Variants in TANC1 observed in about 807,000 individuals in gnomAD.
The protein encoded by TANC1 is tetratricopeptide repeat, ankyrin repeat and coiled-coil containing 1, also known as protein TANC1.
Under a neutral mutation model 149.7 loss-of-function variants are expected in TANC1, and 77 were observed. That is an observed-to-expected ratio of 0.51 (90% CI 0.43 to 0.62). The LOEUF (loss-of-function observed/expected upper bound fraction) is 0.62. TANC1 is among the 20% of genes least tolerant of loss of function. The pLI is 0.00. For missense variants in TANC1, 1,985 were observed against 2,321.8 expected (o/e 0.85, Z 2.98); for synonymous variants, 854 against 925.0 (o/e 0.92, Z 1.39).
chr2:159,120,505 T>A (rs1228253075), intron 4 of TANC1, among the ~76,000 whole-genome samples: 1 of 152,242 alleles, frequency 6.6e-6, no homozygotes, highest in Non-Finnish European at 1.5e-5. Context: ...GAATTTTGCA[T>A]TGCTATTCAG....
intron 14 of TANC1, among the ~76,000 whole-genome samples, chr2:159,184,724 A>C (rs1459560287): frequency 1.3e-5 from 2 of 152,172 alleles, no homozygotes; most frequent in African/African-American, 4.8e-5. Context: ...CCCAGGCTCA[A>C]GATCTGGGAC....
At chr2:159,227,305 AATG>A (rs1372332473) in intron 24 of TANC1, 5 of 152,792 alleles carry the variant, frequency 3.3e-5, no homozygotes, top group African/African-American at 1.2e-4. Context: ...TAGCTTTGAA[AATG>A]ATGTGTGGTG....
At chr2:159,108,549 C>T (rs1374174224) in intron 4 of TANC1, among the ~76,000 whole-genome samples, 1 of 151,988 alleles carries the variant, frequency 6.6e-6, no homozygotes, top group Non-Finnish European at 1.5e-5. Context: ...TTCTGATTTA[C>T]AGAGAAACAG....
chr2:159,205,306 C>A (rs552466711), intron 19 of TANC1, among the ~76,000 whole-genome samples: 1 of 152,274 alleles, frequency 6.6e-6, no homozygotes, highest in Non-Finnish European at 1.5e-5. Flanking sequence ...GTAAAAATGA[C>A]CCGTTCTTCA....
chr2:159,162,717 A>G (rs924661542), intron 7 of TANC1, among the ~76,000 whole-genome samples: 2 of 152,154 alleles, frequency 1.3e-5, no homozygotes, highest in African/African-American at 2.4e-5. Flanking sequence ...GTTGCTGAGG[A>G]AATAATAAGT....
At chr2:159,100,974 A>G (rs1343371553) in intron 4 of TANC1, among the ~76,000 whole-genome samples, 2 of 152,176 alleles carry the variant, frequency 1.3e-5, no homozygotes, top group Non-Finnish European at 1.5e-5. Flanking sequence ...GATAGAGTCA[A>G]TACAGTGTGT....
chr2:159,185,789 A>G lies in TANC1; in HGVS notation c.2511-2A>G. 1 of 1,612,258 alleles carries G rather than the reference A, an allele frequency of 6.2e-7. No homozygotes were observed. The highest frequency in any genetic ancestry group is 8.5e-7 in the Non-Finnish European group (1 of 1,178,720). ...TGTGAGCCTTTGTATTCCTTCCCCT[A>G]GGAACGGGCACGCGCTCTTGGCATT... On this transcript the variant is annotated splice_acceptor_variant, in intron 14 of 26. Transcript: ENST00000263635. LOFTEE classifies it high-confidence loss of function.
At chr2:159,051,531 A>G (rs1348520488) in intron 2 of TANC1, among the ~76,000 whole-genome samples, 1 of 152,236 alleles carries the variant, frequency 6.6e-6, no homozygotes, top group Non-Finnish European at 1.5e-5. Context: ...CGCGTAACAT[A>G]CCTTCAAGTA....
rs143668886 is a variant in TANC1 at position 159,227,877 on chromosome 2, G to A, written c.3962G>A (p.Arg1321Gln). Residue 1321 changes from arginine to glutamine, a missense_variant, in exon 25 of 27, where the codon CGA becomes CAA. Coordinates refer to ENST00000263635, the MANE Select transcript of TANC1 (RefSeq NM_033394.3). ...RYQYALRKFP[R>Q]EGFGEDMRPF... ...CAGTATGCCTTAAGAAAGTTTCCTC[G>A]AGAAGGATTCGGAGAGGACATGAGA... is the stretch of plus-strand genomic sequence containing the variant. 44 of 1,614,110 alleles carry A rather than the reference G, an allele frequency of 2.7e-5. No homozygotes were observed. The highest frequency in any genetic ancestry group is 5.3e-5 in the African/African-American group (4 of 75,048).
intron 23 of TANC1, chr2:159,225,442 G>A: frequency 3.6e-6 from 2 of 552,850 alleles, no homozygotes; most frequent in Non-Finnish European, 6.5e-6. Flanking sequence ...ATGAGTTTTC[G>A]CTGCTCGGAT....
chr2:158,969,577 C>A (rs2032524664), intron 1 of TANC1, among the ~76,000 whole-genome samples: 1 of 152,206 alleles, frequency 6.6e-6, no homozygotes, highest in Non-Finnish European at 1.5e-5. Context: ...CTTTGGGGTG[C>A]GGGCGCGCAG....
rs142451226 is a variant in TANC1, at chr2:159,027,856, C to T, written c.-16+26667C>T. 8.5e-5 allele frequency among the ~76,000 whole-genome samples: 13 copies of T among 152,306 alleles called. No individual in the cohort carries two copies. The East Asian group carries it at 1.5e-3, about 18-fold the overall frequency. On this transcript the variant is annotated intron_variant, in intron 2 of 26. Coordinates refer to ENST00000263635, the MANE Select transcript of TANC1 (RefSeq NM_033394.3). ...AAGTCCAGGAGCATGGTGCTGGCAT[C>T]TGCTTAGCTTCAAATGAGGGTCTTC...
intron 7 of TANC1, 35 bp downstream of exon 7, chr2:159,150,591 G>A (rs561191024): frequency 2.0e-5 from 30 of 1,532,058 alleles, no homozygotes; most frequent in Middle Eastern, 1.7e-4. Flanking sequence ...ATAATGGCTC[G>A]AATCTCATCA....
At position 159,186,888 on chromosome 2, in the gene TANC1, T is replaced by C; in HGVS notation, c.2620-14T>C. On this transcript the variant is annotated splice_polypyrimidine_tract_variant and intron_variant, in intron 15 of 26. Coordinates refer to ENST00000263635, the MANE Select transcript of TANC1 (RefSeq NM_033394.3). ...TCTCTGATTGTTTCCAAGATCTGTC[T>C]CGATTGTTTCCAGGGCCTCAGTAAG... The C allele has an allele frequency of 6.2e-7, 1 of 1,614,192 alleles. No individual in the cohort carries two copies. The highest frequency in any genetic ancestry group is 1.3e-5 in the African/African-American group (1 of 75,054).
At chr2:159,038,450 C>G (rs2040377437) in intron 2 of TANC1, among the ~76,000 whole-genome samples, 1 of 152,108 alleles carries the variant, frequency 6.6e-6, no homozygotes, top group Non-Finnish European at 1.5e-5. Flanking sequence ...GGGAATGCTT[C>G]CAGTTTTTGC....
At chr2:159,016,509 T>C (rs143344536) in intron 2 of TANC1, among the ~76,000 whole-genome samples, 29 of 152,272 alleles carry the variant, frequency 1.9e-4, no homozygotes, top group African/African-American at 6.3e-4. Context: ...TGTCTCCTAA[T>C]TCAGTACCTT....
At chr2:159,038,902 T>G (rs2040408253) in intron 2 of TANC1, among the ~76,000 whole-genome samples, 1 of 152,192 alleles carries the variant, frequency 6.6e-6, no homozygotes, top group Admixed American at 6.5e-5. Flanking sequence ...TTCTATTGAT[T>G]GGAATTAGTT....
intron 2 of TANC1, among the ~76,000 whole-genome samples, chr2:159,044,506 T>A (rs1201976618): frequency 6.6e-6 from 1 of 152,104 alleles, no homozygotes; most frequent in Admixed American, 6.6e-5. Context: ...CTAGTCATCT[T>A]TTTATTTGCA....
chr2:159,157,691 T>A (rs141575231), intron 7 of TANC1, among the ~76,000 whole-genome samples: 1 of 152,244 alleles, frequency 6.6e-6, no homozygotes, highest in African/African-American at 2.4e-5. Context: ...TCATCCACTT[T>A]TATGAGCGGC....
Sources: allele counts gnomAD v4.1 joint callset (sites outside exome capture counted in the v4.1 genomes callset), GRCh38; gene constraint gnomAD v4.1.1; transcripts MANE v1.5; gene names NCBI Gene and HGNC (gene_info 2026-07-23, HGNC 2026-07-21).